The following SIM1 variants were observed in gnomAD, a reference collection of about 807,000 sequenced individuals.
The protein encoded by SIM1 is SIM bHLH transcription factor 1, also known as single-minded homolog 1.
SIM1 carries 18 observed loss-of-function variants against 78.2 expected under a neutral mutation model. That is an observed-to-expected ratio of 0.23 (90% CI 0.16 to 0.34). The LOEUF is 0.34. Among genes scored for constraint, SIM1 ranks in the 10% least tolerant of loss-of-function variants. The pLI, the probability that SIM1 is intolerant of heterozygous loss-of-function variation, is 1.00. For missense variants in SIM1, 939 were observed against 975.1 expected, an observed-to-expected ratio of 0.96 and a Z score of 0.49; for synonymous variants, 417 against 385.2, an observed-to-expected ratio of 1.08 and a Z score of -0.97.
intron 9 of SIM1, chr6:100,437,440 C>A (rs963314202): frequency 6.6e-6 from 1 of 151,940 alleles, no homozygotes; most frequent in African/African-American, 2.4e-5. Flanking sequence ...CTCATATTTT[C>A]TTTCTGAAAA....
chr6:100,432,379 G>A (rs766364858), intron 9 of SIM1, among the ~76,000 whole-genome samples: 4 of 152,150 alleles, frequency 2.6e-5, no homozygotes, highest in Non-Finnish European at 5.9e-5. Context: ...TGGTGCTGAT[G>A]CTACAATCAG....
chr6:100,432,257 G>GA (rs1397305705), intron 9 of SIM1, among the ~76,000 whole-genome samples: 2 of 152,256 alleles, frequency 1.3e-5, no homozygotes, highest in African/African-American at 4.8e-5. Context: ...GCACGCCTCG[G>GA]AAGCACCTGA....
At chr6:100,463,094 G>C (rs1282382687) in intron 2 of SIM1, 200 bp downstream of exon 2, 1 of 512,688 alleles carries the variant, frequency 2.0e-6, no homozygotes, top group African/African-American at 1.9e-5. Context: ...GTATTGATGG[G>C]GAGGTAGAGG....
At chr6:100,454,377 T>G (rs1404592312) in intron 2 of SIM1, among the ~76,000 whole-genome samples, 1 of 152,174 alleles carries the variant, frequency 6.6e-6, no homozygotes, top group East Asian at 1.9e-4. Flanking sequence ...GCTTCTGGCT[T>G]TAATCGCCTT....
chr6:100,396,364 A>G lies in SIM1; in HGVS notation c.1168-2475T>C, dbSNP rs149234996. Among the ~76,000 whole-genome samples the G allele has an allele frequency of 1.8e-4, 27 of 152,204 alleles. No individual in the cohort carries two copies. The East Asian group carries it at 4.9e-3, about 27-fold the overall frequency. The stretch of plus-strand genomic sequence containing the variant: ...TTTTGAGCCCTGTTAAGAGGGGGAA[A>G]AGCTTTCCCTGAGTGTGTATGGGAA... On this transcript the variant is annotated intron_variant, in intron 10 of 11. Coordinates refer to ENST00000369208, the MANE Select transcript of SIM1 (RefSeq NM_005068.3).
chr6:100,421,615 G>C (rs1485514206), intron 9 of SIM1, among the ~76,000 whole-genome samples: 1 of 152,034 alleles, frequency 6.6e-6, no homozygotes, highest in East Asian at 1.9e-4. Flanking sequence ...TAATATACTG[G>C]GGAGAAGAAA....
intron 9 of SIM1, among the ~76,000 whole-genome samples, chr6:100,441,057 A>C (rs1443549785): frequency 1.3e-5 from 2 of 152,228 alleles, no homozygotes; most frequent in African/African-American, 4.8e-5. Flanking sequence ...GTCAAAGATC[A>C]AAACCCTTTT....
intron 6 of SIM1, among the ~76,000 whole-genome samples, 186 bp from the exon 7 acceptor site, chr6:100,448,864 A>T (rs1772434763): frequency 6.6e-6 from 1 of 152,208 alleles, no homozygotes; most frequent in Non-Finnish European, 1.5e-5. Flanking sequence ...GCACAGCCAC[A>T]CTGAACTCAC....
rs550265970 is a variant in SIM1, at chr6:100,401,260, G to C, written c.1168-7371C>G. ...AAAATGCCAATAATATGAAAGAAAA[G>C]GCCAGGCTAAAGAACTATTCAGATT... On this transcript the variant is annotated intron_variant, in intron 10 of 11. Coordinates refer to ENST00000369208, the MANE Select transcript of SIM1 (RefSeq NM_005068.3). 4.7e-4 allele frequency among the ~76,000 whole-genome samples: 71 copies of C among 152,142 alleles called. 2 individuals are homozygous for C. In the South Asian group the frequency reaches 0.015, roughly 32 times the overall value.
intron 9 of SIM1, among the ~76,000 whole-genome samples, chr6:100,429,225 C>G (rs528729320): frequency 6.6e-6 from 1 of 152,052 alleles, no homozygotes; most frequent in African/African-American, 2.4e-5. Flanking sequence ...AAAAAATTAG[C>G]CTGGCGTGGT....
intron 10 of SIM1, among the ~76,000 whole-genome samples, chr6:100,417,212 C>T (rs181595346): frequency 9.9e-5 from 15 of 152,266 alleles, no homozygotes; most frequent in East Asian, 3.9e-4. Flanking sequence ...CTACCCTCGA[C>T]GCTAGGTCTT....
Position 100,455,174 on chromosome 6 carries a change from G to A in SIM1, c.176-1330C>T, listed in dbSNP as rs1772614331. Among the ~76,000 whole-genome samples the A allele has an allele frequency of 1.3e-5, 2 of 152,184 alleles. 1 individual carries two copies. Among genetic ancestry groups the A allele is most frequent in the South Asian group, 4.1e-4 (2 of 4,830 alleles). On this transcript the variant is annotated intron_variant, in intron 2 of 11. Transcript: ENST00000369208. The stretch of plus-strand genomic sequence containing the variant: ...CAAAGCCTTGGTAAGGAGGAACCGT[G>A]AGCGCCCCTTAAGCTCAAATCCGGT...
At chr6:100,428,452 G>A (rs547909082) in intron 9 of SIM1, among the ~76,000 whole-genome samples, 2 of 152,262 alleles carry the variant, frequency 1.3e-5, no homozygotes, top group South Asian at 4.2e-4. Flanking sequence ...AACCTCATGA[G>A]TAAAATGAAT....
intron 10 of SIM1, among the ~76,000 whole-genome samples, chr6:100,419,510 CT>C (rs1241072377): frequency 6.6e-6 from 1 of 152,146 alleles, no homozygotes; most frequent in African/African-American, 2.4e-5. Context: ...TAACATAACT[CT>C]GACAAATAAG....
chr6:100,455,736 C>A (rs556696594), intron 2 of SIM1, among the ~76,000 whole-genome samples: 68 of 152,300 alleles, frequency 4.5e-4, no homozygotes, highest in African/African-American at 1.4e-3. Context: ...GCAAAGACTG[C>A]GTTGCGACTG....
Position 100,453,864 on chromosome 6 carries a change from T to A in SIM1, c.176-20A>T, listed in dbSNP as rs1469532746. 3 of 1,593,722 alleles carry A rather than the reference T, an allele frequency of 1.9e-6. No homozygotes were observed. The highest frequency in any genetic ancestry group is 2.7e-5 in the African/African-American group (2 of 73,998). Reference sequence around the variant, plus strand: ...CGAGCCCTGTGGAGACACAGAAGCATCCTGTAGCCACTGAACCCGGACCTG... The same window carrying A: ...CGAGCCCTGTGGAGACACAGAAGCAACCTGTAGCCACTGAACCCGGACCTG... On this transcript the variant is annotated intron_variant, in intron 2 of 11. Transcript: ENST00000369208.
intron 10 of SIM1, among the ~76,000 whole-genome samples, chr6:100,395,215 G>A (rs997941414): frequency 6.6e-6 from 1 of 152,116 alleles, no homozygotes; most frequent in African/African-American, 2.4e-5. Flanking sequence ...ATAATGATGG[G>A]TGCCATTTAT....
At chr6:100,410,959 C>A (rs1771174395) in intron 10 of SIM1, among the ~76,000 whole-genome samples, 1 of 152,248 alleles carries the variant, frequency 6.6e-6, no homozygotes, top group African/African-American at 2.4e-5. Context: ...ATATCAAAAA[C>A]CAAGCCAAAC....
chr6:100,434,118 C>T (rs1376904749), intron 9 of SIM1, among the ~76,000 whole-genome samples: 1 of 152,150 alleles, frequency 6.6e-6, no homozygotes, highest in Non-Finnish European at 1.5e-5. Context: ...TATTTTCTTC[C>T]TGGTTTTCAA....
Sources: gnomAD v4.1 joint callset for allele counts (sites outside exome capture counted in the v4.1 genomes callset) on GRCh38, gnomAD v4.1.1 for gene constraint, MANE v1.5 for transcripts, NCBI Gene and HGNC (gene_info 2026-07-23, HGNC 2026-07-21) for gene names.